The following ITCH variants were observed in gnomAD, a reference collection of about 807,000 sequenced individuals.
The protein encoded by ITCH is E3 ubiquitin-protein ligase Itchy homolog.
ITCH carries 28 observed loss-of-function variants against 126.8 expected under a neutral mutation model. The observed-to-expected ratio is 0.22, with a 90% confidence interval of 0.16 to 0.30. The LOEUF (loss-of-function observed/expected upper bound fraction) is 0.30, where lower values mean the gene tolerates loss of function less well. Ranked by LOEUF, ITCH falls within the 10% of genes least tolerant of loss-of-function variation. ITCH has a pLI of 1.00. For missense variants in ITCH, 631 were observed against 1,032.4 expected (o/e 0.61, Z 5.33); for synonymous variants, 342 against 340.0 (o/e 1.01, Z -0.06).
rs1275623264 is a variant in ITCH, at chr20:34,424,638, A to G, written c.521+113A>G. 46 of 894,832 alleles carry G rather than the reference A, an allele frequency of 5.1e-5. No homozygotes were observed. In the Middle Eastern group the frequency reaches 1.6e-3, roughly 32 times the overall value. 55.4% of individuals were successfully genotyped at this position (894,832 alleles called of 1,614,324 possible). A position where few individuals can be genotyped will look rare whatever the true frequency, so the allele number is the denominator to read the frequency against. ...TAAGAATAAATGAGTGTCAGAAAGA[A>G]TTCAGAACTCAAGAAGGGAAATATT... On this transcript the variant is annotated intron_variant, in intron 7 of 24. Coordinates refer to ENST00000374864, the MANE Select transcript of ITCH (RefSeq NM_031483.7).
At chr20:34,481,001 TA>T in intron 19 of ITCH, 64 bp from the exon 20 acceptor site, 1 of 1,536,190 alleles carries the variant, frequency 6.5e-7, no homozygotes, top group Non-Finnish European at 9.0e-7. Context: ...GGCCTTTCGT[TA>T]AAAACTTATA....
At chr20:34,408,911 T>TG in intron 4 of ITCH, 119 bp downstream of exon 4, 1 of 336,704 alleles carries the variant, frequency 3.0e-6, no homozygotes, top group African/African-American at 2.3e-5. Context: ...TTCTCTCTTC[T>TG]TTTTTTTTTT....
chr20:34,400,665 T>TTTG (rs1306903844), intron 3 of ITCH, among the ~76,000 whole-genome samples: 2 of 150,210 alleles, frequency 1.3e-5, no homozygotes, highest in African/African-American at 2.4e-5. Context: ...TTTTTTTTTT[T>TTTG]GAGACAGTTT....
intron 6 of ITCH, among the ~76,000 whole-genome samples, chr20:34,421,155 G>A (rs1299874058): frequency 6.6e-6 from 1 of 152,090 alleles, no homozygotes; most frequent in Non-Finnish European, 1.5e-5. Context: ...CCAGACTAGA[G>A]CTCAGTGGCT....
At chr20:34,474,122 G>C (rs1029443284) in intron 16 of ITCH, among the ~76,000 whole-genome samples, 1 of 151,998 alleles carries the variant, frequency 6.6e-6, no homozygotes. Flanking sequence ...TTTAATATCT[G>C]ACTGACATTT....
rs1423130941 is a variant in ITCH at position 34,489,284 on chromosome 20, G to T, written c.2112G>T (p.Arg704Ser). 6.2e-7 allele frequency: 1 copy of T among 1,613,560 alleles called. No individual in the cohort carries two copies. Among genetic ancestry groups the T allele is most frequent in the African/African-American group, 1.3e-5 (1 of 74,906 alleles). ...EEYIRMVAEW[R>S]LSRGVEEQTQ... ...TTGCCAGAATGGTAGCTGAGTGGAGGTTGTCTCGAGGTGTTGAAGAACAGA... is the reference window on the plus strand; with the variant it reads ...TTGCCAGAATGGTAGCTGAGTGGAGTTTGTCTCGAGGTGTTGAAGAACAGA... Residue 704 changes from arginine to serine, a missense_variant, in exon 21 of 25, where the codon AGG becomes AGT. Coordinates refer to ENST00000374864, the MANE Select transcript of ITCH (RefSeq NM_031483.7).
chr20:34,393,177 T>A (rs2038547328), intron 2 of ITCH, among the ~76,000 whole-genome samples: 1 of 152,180 alleles, frequency 6.6e-6, no homozygotes, highest in African/African-American at 2.4e-5. Flanking sequence ...AGGGGAAGTC[T>A]TCTTTTGGCC....
intron 23 of ITCH, 76 bp downstream of exon 23, chr20:34,492,673 A>G (rs1168531366): frequency 2.2e-6 from 2 of 922,444 alleles, no homozygotes; most frequent in East Asian, 2.4e-5. Context: ...TATACAGCCT[A>G]TTAGAAACAA....
intron 6 of ITCH, among the ~76,000 whole-genome samples, chr20:34,416,764 A>G (rs1010095679): frequency 6.6e-6 from 1 of 152,040 alleles, no homozygotes; most frequent in Non-Finnish European, 1.5e-5. Flanking sequence ...ATATTCCCCT[A>G]CTTTCAACTA....
At chr20:34,492,447 G>A in intron 22 of ITCH, 54 bp from the exon 23 acceptor site, 2 of 1,074,656 alleles carry the variant, frequency 1.9e-6, no homozygotes, top group African/African-American at 3.1e-5. Flanking sequence ...TTCTTGTTTA[G>A]TGTGCTGAAT....
intron 23 of ITCH, among the ~76,000 whole-genome samples, chr20:34,502,199 A>G (rs1990292933): frequency 6.6e-6 from 1 of 152,146 alleles, no homozygotes; most frequent in Non-Finnish European, 1.5e-5. Context: ...GTGCATTATT[A>G]AATGAAACTC....
rs1978409736 is a variant in ITCH at position 34,508,587 on chromosome 20, G to A, written c.*793G>A. 1 of 152,272 alleles carries A rather than the reference G, an allele frequency of 6.6e-6. No individual in the cohort carries two copies. Among genetic ancestry groups the A allele is most frequent in the South Asian group, 2.1e-4 (1 of 4,836 alleles). 9.4% of individuals were successfully genotyped at this position (152,272 alleles called of 1,614,324 possible). A position where few individuals can be genotyped will look rare whatever the true frequency, so the allele number is the denominator to read the frequency against. ...GCACTCTGGGAGGCCGAGGCAGGAGGATCCCTTTAGCCCAGGAGTTAAAGA... is the reference window on the plus strand; with the variant it reads ...GCACTCTGGGAGGCCGAGGCAGGAGAATCCCTTTAGCCCAGGAGTTAAAGA... On this transcript the variant is annotated 3_prime_UTR_variant, in exon 25 of 25. Coordinates refer to ENST00000374864, the MANE Select transcript of ITCH (RefSeq NM_031483.7).
chr20:34,435,336 T>G (rs900475891), intron 7 of ITCH, among the ~76,000 whole-genome samples: 3 of 152,062 alleles, frequency 2.0e-5, no homozygotes, highest in African/African-American at 7.2e-5. Flanking sequence ...ACCCAGCTAA[T>G]TTTTGTATTT....
intron 5 of ITCH, among the ~76,000 whole-genome samples, chr20:34,413,169 T>C (rs1465910949): frequency 6.6e-6 from 1 of 152,146 alleles, no homozygotes; most frequent in Non-Finnish European, 1.5e-5. Context: ...TATAGGCAGG[T>C]ACCACCACAT....
At chr20:34,489,131 G>A (rs1346863840) in intron 20 of ITCH, 135 bp from the exon 21 acceptor site, 1 of 659,612 alleles carries the variant, frequency 1.5e-6, no homozygotes, top group South Asian at 2.0e-5. Flanking sequence ...TTGGACATGT[G>A]TACAGGGGGT....
intron 15 of ITCH, among the ~76,000 whole-genome samples, chr20:34,470,671 C>A (rs1987534100): frequency 6.6e-6 from 1 of 152,150 alleles, no homozygotes. Flanking sequence ...TGGCTTACTG[C>A]AGCCTTGACC....
At chr20:34,457,875 G>A (rs1479370045) in intron 13 of ITCH, among the ~76,000 whole-genome samples, 2 of 152,082 alleles carry the variant, frequency 1.3e-5, no homozygotes, top group East Asian at 3.9e-4. Context: ...CCTGAGCCCA[G>A]GAAGTCGAGA....
intron 6 of ITCH, among the ~76,000 whole-genome samples, chr20:34,423,135 T>C (rs1180673820): frequency 2.0e-5 from 3 of 152,196 alleles, no homozygotes; most frequent in East Asian, 1.9e-4. Flanking sequence ...TTCTGGACAT[T>C]TGTATAAATG....
chr20:34,365,867 T>C (rs1265666808), intron 1 of ITCH, among the ~76,000 whole-genome samples: 1 of 152,218 alleles, frequency 6.6e-6, no homozygotes, highest in African/African-American at 2.4e-5. Context: ...ACCAATTTAT[T>C]TTTAACACAT....
Sources: allele counts gnomAD v4.1 joint callset (sites outside exome capture counted in the v4.1 genomes callset), GRCh38; gene constraint gnomAD v4.1.1; transcripts MANE v1.5; gene names NCBI Gene and HGNC (gene_info 2026-07-23, HGNC 2026-07-21).